NKAIN2: variants seen among roughly 807,000 people sequenced by gnomAD.
The protein encoded by NKAIN2 is sodium/potassium-transporting ATPase subunit beta-1-interacting protein 2.
NKAIN2 carries 14 observed loss-of-function variants against 32.6 expected under a neutral mutation model. The ratio of observed to expected loss-of-function variants is 0.43; its 90% CI spans 0.28 to 0.67. The LOEUF is 0.67. Ranked by LOEUF, NKAIN2 falls within the 30% of genes least tolerant of loss-of-function variation. The pLI, the probability that NKAIN2 is intolerant of heterozygous loss-of-function variation, is 0.17. For missense variants in NKAIN2, 198 were observed against 258.3 expected (o/e 0.77, Z 1.60); for synonymous variants, 80 against 87.2 (o/e 0.92, Z 0.46).
At position 124,543,651 on chromosome 6, in the gene NKAIN2, A is replaced by C. The variant is rs561401516; in HGVS notation, c.274-114535A>C. On this transcript the variant is annotated intron_variant, in intron 3 of 6. Coordinates refer to ENST00000368417, the MANE Select transcript of NKAIN2 (RefSeq NM_001040214.3). ...GCAAGATTAAATTTACACACACACA[A>C]AAAAAGCAGGGTAAAACTAGTTCAG... 1.2e-4 allele frequency among the ~76,000 whole-genome samples: 19 copies of C among 152,320 alleles called. No individual in the cohort carries two copies. The East Asian group carries it at 1.4e-3, about 11-fold the overall frequency.
At chr6:123,876,915 T>C (rs1457794358) in intron 1 of NKAIN2, among the ~76,000 whole-genome samples, 1 of 152,238 alleles carries the variant, frequency 6.6e-6, no homozygotes, top group Non-Finnish European at 1.5e-5. Context: ...TTAATTATTA[T>C]AATTTAAACT....
chr6:123,913,838 A>G (rs569283457), intron 1 of NKAIN2, among the ~76,000 whole-genome samples: 73 of 152,272 alleles, frequency 4.8e-4, no homozygotes, highest in Non-Finnish European at 4.7e-4. Flanking sequence ...ATTTTTTCAT[A>G]TGATTATAGA....
chr6:124,767,787 C>G (rs1295204373), intron 4 of NKAIN2, among the ~76,000 whole-genome samples: 1 of 152,168 alleles, frequency 6.6e-6, no homozygotes, highest in Non-Finnish European at 1.5e-5. Flanking sequence ...CTGATCCACA[C>G]TGCACTTGCC....
intron 2 of NKAIN2, among the ~76,000 whole-genome samples, chr6:124,348,207 G>C (rs1433410368): frequency 6.6e-6 from 1 of 152,106 alleles, no homozygotes; most frequent in Non-Finnish European, 1.5e-5. Flanking sequence ...TTTTGTCTCA[G>C]AGTTGTACCC....
chr6:124,730,394 G>A (rs1042042479), intron 4 of NKAIN2, among the ~76,000 whole-genome samples: 1 of 98,324 alleles, frequency 1.0e-5, no homozygotes. Context: ...AGAGCCCTCA[G>A]AAATAACGCC....
chr6:124,440,792 C>A (rs1228639956), intron 3 of NKAIN2, among the ~76,000 whole-genome samples: 3 of 152,088 alleles, frequency 2.0e-5, no homozygotes, highest in Non-Finnish European at 4.4e-5. Context: ...CTTCTTTGTC[C>A]CTTGGTAGAA....
intron 1 of NKAIN2, among the ~76,000 whole-genome samples, chr6:124,184,738 C>T (rs561209736): frequency 1.2e-4 from 19 of 152,130 alleles, no homozygotes; most frequent in African/African-American, 2.9e-4. Context: ...GAAAAACATC[C>T]CAGATCAACA....
chr6:124,648,535 CTG>C (rs1784256736), intron 3 of NKAIN2, among the ~76,000 whole-genome samples: 1 of 152,118 alleles, frequency 6.6e-6, no homozygotes, highest in Non-Finnish European at 1.5e-5. Context: ...ATCCAGGAAA[CTG>C]GGGGTTCAAC....
intron 1 of NKAIN2, among the ~76,000 whole-genome samples, chr6:123,804,635 TTTC>T (rs1168079577): frequency 1.3e-5 from 2 of 152,204 alleles, no homozygotes; most frequent in Non-Finnish European, 2.9e-5. Context: ...ATTTTGGACT[TTTC>T]TTCTCTATAC....
At chr6:124,248,628 A>G (rs767433019) in intron 1 of NKAIN2, among the ~76,000 whole-genome samples, 1 of 152,112 alleles carries the variant, frequency 6.6e-6, no homozygotes, top group Non-Finnish European at 1.5e-5. Flanking sequence ...AGTAGTTTAT[A>G]ATTGTGTATG....
At chr6:124,530,980 A>G (rs554563909) in intron 3 of NKAIN2, among the ~76,000 whole-genome samples, 2 of 152,340 alleles carry the variant, frequency 1.3e-5, no homozygotes, top group African/African-American at 4.8e-5. Flanking sequence ...TTCTTTACTC[A>G]GTCCAAAGCT....
At chr6:123,910,506 T>G (rs1157905859) in intron 1 of NKAIN2, among the ~76,000 whole-genome samples, 1 of 127,468 alleles carries the variant, frequency 7.8e-6, no homozygotes, top group Admixed American at 7.8e-5. Context: ...CATGTTTTTT[T>G]TTTTTTTTTT....
At chr6:123,874,168 A>G (rs1034672795) in intron 1 of NKAIN2, among the ~76,000 whole-genome samples, 6 of 152,068 alleles carry the variant, frequency 3.9e-5, no homozygotes, top group African/African-American at 1.4e-4. Flanking sequence ...TTTTTCCACC[A>G]TGGAGAGCAC....
At chr6:124,567,020 T>C (rs753521418) in intron 3 of NKAIN2, among the ~76,000 whole-genome samples, 8 of 152,232 alleles carry the variant, frequency 5.3e-5, no homozygotes, top group Non-Finnish European at 8.8e-5. Flanking sequence ...CAACCTGTTC[T>C]TTAAATTCTT....
chr6:124,115,876 A>G (rs1166894208), intron 1 of NKAIN2, among the ~76,000 whole-genome samples: 3 of 152,060 alleles, frequency 2.0e-5, no homozygotes, highest in Admixed American at 2.0e-4. Flanking sequence ...TAAAAACTGT[A>G]GCTCCTCAAC....
intron 6 of NKAIN2, among the ~76,000 whole-genome samples, 192 bp from the exon 7 acceptor site, chr6:124,823,028 T>C (rs1419174768): frequency 6.6e-6 from 1 of 152,198 alleles, no homozygotes; most frequent in African/African-American, 2.4e-5. Flanking sequence ...TGACCAAAAC[T>C]GGCCTCTCTA....
At chr6:124,574,326 AT>A (rs1291844640) in intron 3 of NKAIN2, among the ~76,000 whole-genome samples, 1 of 146,384 alleles carries the variant, frequency 6.8e-6, no homozygotes, top group Non-Finnish European at 1.5e-5. Flanking sequence ...AAAAAAAAAA[AT>A]ACCAGTGAGG....
At chr6:124,614,739 G>C (rs1782821084) in intron 3 of NKAIN2, among the ~76,000 whole-genome samples, 1 of 151,804 alleles carries the variant, frequency 6.6e-6, no homozygotes, top group Admixed American at 6.6e-5. Context: ...AGTCAGATTT[G>C]CATTTCTAAC....
chr6:124,078,999 A>C (rs1783828490), intron 1 of NKAIN2, among the ~76,000 whole-genome samples: 1 of 151,774 alleles, frequency 6.6e-6, no homozygotes, highest in African/African-American at 2.4e-5. Flanking sequence ...TATTACCTGT[A>C]TGTGTCTTTA....
Sources: allele counts gnomAD v4.1 joint callset (sites outside exome capture counted in the v4.1 genomes callset), GRCh38; gene constraint gnomAD v4.1.1; transcripts MANE v1.5; gene names NCBI Gene and HGNC (gene_info 2026-07-23, HGNC 2026-07-21).